The following DGKI variants were observed in gnomAD, a reference collection of about 807,000 sequenced individuals.
DGKI encodes DAG kinase iota.
In DGKI, 55 loss-of-function variants were observed where a neutral mutation model predicts 147.5. The ratio of observed to expected loss-of-function variants is 0.37; its 90% CI spans 0.30 to 0.47. DGKI has a LOEUF of 0.47. Ranked by LOEUF, DGKI falls within the 20% of genes least tolerant of loss-of-function variation. The pLI is 1.00. For missense variants in DGKI, 1,007 were observed against 1,323.8 expected, an observed-to-expected ratio of 0.76 and a Z score of 3.71; for synonymous variants, 469 against 477.1, an observed-to-expected ratio of 0.98 and a Z score of 0.22.
chr7:137,440,932 C>T (rs2128915782), intron 28 of DGKI, among the ~76,000 whole-genome samples: 1 of 152,238 alleles, frequency 6.6e-6, no homozygotes. Context: ...CATTTTACTC[C>T]TCCTCACCCT....
chr7:137,463,625 G>C lies in DGKI; in HGVS notation c.2613-14C>G. The stretch of plus-strand genomic sequence containing the variant: ...CAGTCTGAGATCCTGAGAGAAAGAA[G>C]GGCACCAGACAGTTAAACATTCAAA... On this transcript the variant is annotated splice_polypyrimidine_tract_variant and intron_variant, in intron 26 of 32. Coordinates refer to ENST00000614521, the MANE Select transcript of DGKI (RefSeq NM_001321708.2). The C allele has an allele frequency of 1.2e-6, 2 of 1,613,664 alleles. No homozygotes were observed. The highest frequency in any genetic ancestry group is 1.7e-6 in the Non-Finnish European group (2 of 1,179,790).
At chr7:137,661,194 C>T (rs1199219947) in intron 3 of DGKI, among the ~76,000 whole-genome samples, 7 of 152,088 alleles carry the variant, frequency 4.6e-5, no homozygotes, top group Admixed American at 3.9e-4. Flanking sequence ...GGTGGAATCA[C>T]CAGAGATGGG....
chr7:137,404,791 C>T (rs1156143), intron 30 of DGKI, among the ~76,000 whole-genome samples: 41,942 of 151,600 alleles, frequency 0.28, 6,025 homozygotes, highest in Non-Finnish European at 0.32. Flanking sequence ...GACTGAATTC[C>T]TTTGTGTCCT....
chr7:137,714,807 G>A (rs1794328010), intron 1 of DGKI, among the ~76,000 whole-genome samples: 1 of 152,202 alleles, frequency 6.6e-6, no homozygotes, highest in South Asian at 2.1e-4. Context: ...CCTAGATGTT[G>A]GGTTTCCCTA....
At chr7:137,445,599 G>A (rs1220245990) in intron 27 of DGKI, among the ~76,000 whole-genome samples, 2 of 152,148 alleles carry the variant, frequency 1.3e-5, no homozygotes, top group African/African-American at 4.8e-5. Flanking sequence ...TAGAACAGAT[G>A]AGCCCTTAAT....
chr7:137,806,435 G>C (rs898308452), intron 1 of DGKI, among the ~76,000 whole-genome samples: 2 of 151,844 alleles, frequency 1.3e-5, no homozygotes, highest in East Asian at 1.9e-4. Context: ...CTGAACCTTT[G>C]CTTCTTTTTT....
At chr7:137,485,981 T>A (rs1563048299) in intron 22 of DGKI, among the ~76,000 whole-genome samples, 1 of 152,118 alleles carries the variant, frequency 6.6e-6, no homozygotes, top group African/African-American at 2.4e-5. Context: ...GAGGTTTTAC[T>A]GGCAGATTGT....
intron 30 of DGKI, among the ~76,000 whole-genome samples, chr7:137,401,821 T>C (rs1253924005): frequency 1.3e-5 from 2 of 152,212 alleles, no homozygotes; most frequent in Non-Finnish European, 2.9e-5. Flanking sequence ...GAGATATGGG[T>C]GCAGATTTCT....
chr7:137,695,930 G>A (rs1488727338), intron 1 of DGKI, among the ~76,000 whole-genome samples: 4 of 152,060 alleles, frequency 2.6e-5, no homozygotes, highest in Non-Finnish European at 2.9e-5. Flanking sequence ...TTCCTTATAC[G>A]TAAAATAAAA....
intron 1 of DGKI, among the ~76,000 whole-genome samples, chr7:137,719,278 G>T (rs1207253344): frequency 6.6e-6 from 1 of 152,046 alleles, no homozygotes; most frequent in Admixed American, 6.5e-5. Flanking sequence ...AGGAATCTTT[G>T]CAGCAGCCAA....
intron 1 of DGKI, among the ~76,000 whole-genome samples, chr7:137,806,656 A>G (rs1408636852): frequency 6.6e-6 from 1 of 152,068 alleles, no homozygotes; most frequent in Non-Finnish European, 1.5e-5. Context: ...GATGGTCTCG[A>G]TCTCCTGACT....
At chr7:137,843,250 G>C (rs1585560545) in intron 1 of DGKI, 1 of 174,368 alleles carries the variant, frequency 5.7e-6, no homozygotes, top group African/African-American at 2.5e-5. Context: ...TTATTGTACT[G>C]ACTTATATGG....
intron 23 of DGKI, among the ~76,000 whole-genome samples, chr7:137,479,340 C>T (rs1815290026): frequency 6.7e-6 from 1 of 149,268 alleles, no homozygotes; most frequent in Non-Finnish European, 1.5e-5. Flanking sequence ...TGAATCTTCT[C>T]TTATGATATA....
chr7:137,479,614 C>G (rs984863266), intron 23 of DGKI, among the ~76,000 whole-genome samples: 2 of 152,128 alleles, frequency 1.3e-5, no homozygotes, highest in African/African-American at 4.8e-5. Flanking sequence ...TCCAATTAAG[C>G]AATATTCACC....
At chr7:137,518,078 C>A (rs1385968108) in intron 21 of DGKI, among the ~76,000 whole-genome samples, 1 of 151,966 alleles carries the variant, frequency 6.6e-6, no homozygotes, top group African/African-American at 2.4e-5. Context: ...TACTTTGAGT[C>A]TGGTTTTATG....
chr7:137,538,885 T>C (rs1003126578), intron 20 of DGKI, among the ~76,000 whole-genome samples: 10 of 151,972 alleles, frequency 6.6e-5, no homozygotes, highest in Admixed American at 6.6e-4. Flanking sequence ...AACTCCCCAA[T>C]CCCTCTCTCT....
At chr7:137,479,138 G>A (rs1355109066) in intron 23 of DGKI, among the ~76,000 whole-genome samples, 1 of 152,134 alleles carries the variant, frequency 6.6e-6, no homozygotes, top group African/African-American at 2.4e-5. Flanking sequence ...TTTTGGATCT[G>A]TGACTTTTCT....
chr7:137,588,192 G>A (rs969523600), intron 12 of DGKI, among the ~76,000 whole-genome samples: 2 of 152,040 alleles, frequency 1.3e-5, no homozygotes, highest in South Asian at 2.1e-4. Context: ...ATTTTGATAC[G>A]AAGTACATAA....
chr7:137,838,649 G>A (rs1181625471), intron 1 of DGKI, among the ~76,000 whole-genome samples: 1 of 152,070 alleles, frequency 6.6e-6, no homozygotes, highest in Non-Finnish European at 1.5e-5. Context: ...ATACACAAAA[G>A]CAGTCCAACT....
Sources: gnomAD v4.1 joint callset for allele counts (sites outside exome capture counted in the v4.1 genomes callset) on GRCh38, gnomAD v4.1.1 for gene constraint, MANE v1.5 for transcripts, NCBI Gene and HGNC (gene_info 2026-07-23, HGNC 2026-07-21) for gene names.